STK3: variants seen among roughly 807,000 people sequenced by gnomAD.
The protein encoded by STK3 is serine/threonine-protein kinase 3.
A neutral mutation model predicts 58.0 loss-of-function variants in STK3; 41 were observed. The ratio of observed to expected loss-of-function variants is 0.71; its 90% confidence interval spans 0.55 to 0.92. The LOEUF is 0.92. STK3 is among the 40% of genes least tolerant of loss of function. STK3 has a pLI of 0.00. For missense variants in STK3, 479 were observed against 602.7 expected (o/e 0.79, Z 2.15); for synonymous variants, 170 against 191.0 (o/e 0.89, Z 0.91).
At chr8:98,367,666 T>G (rs1437504683), downstream of STK3, among the ~76,000 whole-genome samples, 1 of 152,062 alleles carries the variant, frequency 6.6e-6, no homozygotes, top group Non-Finnish European at 1.5e-5. Flanking sequence ...ATAGCCAGAG[T>G]CTCCTTCTCT....
At chr8:98,773,779 T>A (rs1052043701) in intron 2 of STK3, among the ~76,000 whole-genome samples, 5 of 150,956 alleles carry the variant, frequency 3.3e-5, no homozygotes, top group Admixed American at 1.3e-4. Context: ...TATTTTTATT[T>A]TTTATTTATT....
intron 4 of STK3, among the ~76,000 whole-genome samples, chr8:98,737,491 A>G (rs1828701999): frequency 6.6e-6 from 1 of 152,204 alleles, no homozygotes; most frequent in African/African-American, 2.4e-5. Flanking sequence ...TAGAAAATAA[A>G]TAAGCAAATG....
upstream of STK3, among the ~76,000 whole-genome samples, chr8:98,392,705 T>C (rs1586546396): frequency 6.6e-6 from 1 of 152,200 alleles, no homozygotes; most frequent in Non-Finnish European, 1.5e-5. Context: ...TACTGGTTTC[T>C]ACTCCTTCCA....
chr8:98,389,246 A>AT (rs1817823171), upstream of STK3, among the ~76,000 whole-genome samples: 3 of 152,090 alleles, frequency 2.0e-5, no homozygotes, highest in South Asian at 6.2e-4. Context: ...GCCCACAGCA[A>AT]TTTTTTCCCT....
At chr8:98,588,725 T>C (rs1814929227) in intron 7 of STK3, among the ~76,000 whole-genome samples, 2 of 151,358 alleles carry the variant, frequency 1.3e-5, no homozygotes, top group Admixed American at 6.6e-5. Context: ...CCCATCACTT[T>C]CAGGTACACC....
chr8:98,710,726 C>A (rs572549230), intron 4 of STK3, among the ~76,000 whole-genome samples: 15 of 152,116 alleles, frequency 9.9e-5, no homozygotes, highest in African/African-American at 3.6e-4. Flanking sequence ...CAGGGCATAG[C>A]CAAACAAGGC....
chr8:98,452,327 GC>G (rs1323536535), downstream of STK3, among the ~76,000 whole-genome samples: 3 of 152,168 alleles, frequency 2.0e-5, no homozygotes, highest in Non-Finnish European at 2.9e-5. Flanking sequence ...TATAGTAAGT[GC>G]CCCGAATAAC....
At chr8:98,907,212 T>G (rs966349212) in intron 1 of STK3, among the ~76,000 whole-genome samples, 1 of 151,176 alleles carries the variant, frequency 6.6e-6, no homozygotes, top group South Asian at 2.1e-4. Flanking sequence ...CAAATAGAAG[T>G]ATATAGAAAT....
At chr8:98,708,682 C>A (rs1826150321) in intron 4 of STK3, among the ~76,000 whole-genome samples, 2 of 152,164 alleles carry the variant, frequency 1.3e-5, no homozygotes, top group Admixed American at 6.5e-5. Context: ...TTAAAACAAC[C>A]TTGTAAGGTA....
chr8:98,678,313 A>C (rs1264190577), intron 6 of STK3, among the ~76,000 whole-genome samples: 5 of 152,170 alleles, frequency 3.3e-5, no homozygotes, highest in Non-Finnish European at 4.4e-5. Flanking sequence ...AAACAGAAAA[A>C]TGAAATCCAT....
chr8:98,523,443 C>T (rs1297440236), intron 10 of STK3, among the ~76,000 whole-genome samples: 2 of 149,682 alleles, frequency 1.3e-5, no homozygotes, highest in South Asian at 2.1e-4. Flanking sequence ...GGCACGATCT[C>T]GGCTCACTGC....
intron 8 of STK3, among the ~76,000 whole-genome samples, chr8:98,574,173 A>T: frequency 6.6e-6 from 1 of 152,138 alleles, no homozygotes; most frequent in South Asian, 2.1e-4. Flanking sequence ...AAATGTACCT[A>T]ATGAACTGGG....
downstream of STK3, among the ~76,000 whole-genome samples, chr8:98,370,336 C>T (rs914842060): frequency 7.7e-6 from 1 of 129,454 alleles, no homozygotes; most frequent in Non-Finnish European, 1.6e-5. Context: ...ACCCCCTGAC[C>T]TCTGCAGTGT....
At chr8:98,541,191 T>C (rs1242731027) in intron 9 of STK3, among the ~76,000 whole-genome samples, 1 of 152,148 alleles carries the variant, frequency 6.6e-6, no homozygotes. Flanking sequence ...ATGGCTTGGC[T>C]CTATGCCCCC....
intron 10 of STK3, among the ~76,000 whole-genome samples, chr8:98,512,698 T>C (rs889237465): frequency 2.0e-5 from 3 of 152,196 alleles, no homozygotes; most frequent in Non-Finnish European, 4.4e-5. Flanking sequence ...CCAGGGCCAC[T>C]GGAAATTCTG....
intron 6 of STK3, among the ~76,000 whole-genome samples, chr8:98,658,734 C>T (rs1372249625): frequency 6.6e-6 from 1 of 151,978 alleles, no homozygotes; most frequent in Non-Finnish European, 1.5e-5. Context: ...CCTCCAAATA[C>T]ATTTTGATCT....
At chr8:98,787,793 A>G (rs1444437889) in intron 1 of STK3, among the ~76,000 whole-genome samples, 1 of 152,218 alleles carries the variant, frequency 6.6e-6, no homozygotes, top group Non-Finnish European at 1.5e-5. Context: ...CTCCTCAAAC[A>G]AAACAATTAT....
intron 1 of STK3, among the ~76,000 whole-genome samples, chr8:98,903,532 CTTCTTCTTCTTCTTCTTCTTCTTCCTTT>C (rs1168541050): frequency 7.3e-4 from 22 of 30,044 alleles, no homozygotes; most frequent in African/African-American, 4.2e-3. Flanking sequence ...TCTTCTTCTT[CTTCTTCTTCTTCTTCTTCTTCTTCCTTT>C]TTTTTTTTTT....
chr8:98,838,529 GA>G (rs1206861791), intron 3 of STK3, among the ~76,000 whole-genome samples: 1 of 151,960 alleles, frequency 6.6e-6, no homozygotes, highest in East Asian at 1.9e-4. Context: ...GAGCAGGAGC[GA>G]AAAAAGAGGA....
Sources: allele counts gnomAD v4.1 joint callset (sites outside exome capture counted in the v4.1 genomes callset), GRCh38; gene constraint gnomAD v4.1.1; transcripts MANE v1.5; gene names NCBI Gene and HGNC (gene_info 2026-07-23, HGNC 2026-07-21).